CYB5D2: variants seen among roughly 807,000 people sequenced by gnomAD.
CYB5D2 encodes the protein cytochrome b5 domain containing 2.
CYB5D2 carries 23 observed loss-of-function variants against 22.8 expected under a neutral mutation model. The ratio of observed to expected loss-of-function variants is 1.01; its 90% CI spans 0.73 to 1.43. The LOEUF is 1.43. CYB5D2 is among the 40% of genes most tolerant of loss of function. CYB5D2 has a pLI of 0.00. For synonymous variants in CYB5D2, 170 were observed against 152.2 expected, an observed-to-expected ratio of 1.12 and a Z score of -0.86; for missense variants, 373 against 357.2, an observed-to-expected ratio of 1.04 and a Z score of -0.36.
chr17:4,144,103 C>CAA (rs2058944640), intron 1 of CYB5D2, 98 bp downstream of exon 1: 2 of 1,435,930 alleles, frequency 1.4e-6, no homozygotes, highest in Non-Finnish European at 1.9e-6. Flanking sequence ...TTTCCCCCCC[C>CAA]ATCCCCACCC....
In CYB5D2 at chr17:4,157,264, G is replaced by A. The variant is rs1308759358; in HGVS notation, c.*182G>A. On this transcript the variant is annotated 3_prime_UTR_variant, in exon 4 of 4. Transcript: ENST00000301391. The surrounding 1 kb of genome is among the most constrained non-coding windows in gnomAD (Gnocchi z 4.4). ...GTGGCTCGGCGTTGTGGTGCCTGAG[G>A]GACAGCCGGCCACCTGCCCAGTACT... 1.6e-5 allele frequency: 11 copies of A among 692,676 alleles called. No homozygotes were observed. The highest frequency in any genetic ancestry group is 2.7e-5 in the Admixed American group (1 of 36,646). The allele number at this position is 692,676 out of a possible 1,614,324, so 42.9% of individuals were successfully genotyped here. A position where few individuals can be genotyped will look rare whatever the true frequency, so the allele number is the denominator to read the frequency against.
chr17:4,144,395 C>T (rs1424821485), intron 1 of CYB5D2, among the ~76,000 whole-genome samples: 1 of 152,082 alleles, frequency 6.6e-6, no homozygotes, highest in African/African-American at 2.4e-5. Context: ...TTCCAACCAT[C>T]TCTTCATTAT....
Position 4,157,320 on chromosome 17 carries a change from C to T in CYB5D2, c.*238C>T, listed in dbSNP as rs994729580. ...GCTTTTCAACACTATTCCCTTTGAC[C>T]TACTGGCCATCTTCCTCACAGCCCT... On this transcript the variant is annotated 3_prime_UTR_variant, in exon 4 of 4. Coordinates refer to ENST00000301391, the MANE Select transcript of CYB5D2 (RefSeq NM_144611.4). The surrounding 1 kb of genome is among the most constrained non-coding windows in gnomAD (Gnocchi z 4.4). 6 of 568,642 alleles carry T rather than the reference C, an allele frequency of 1.1e-5. No individual in the cohort carries two copies. The highest frequency in any genetic ancestry group is 1.9e-5 in the Non-Finnish European group (6 of 317,692). The allele number at this position is 568,642 out of a possible 1,614,324, so 35.2% of individuals were successfully genotyped here.
chr17:4,150,672 G>A (rs757923724), intron 2 of CYB5D2, among the ~76,000 whole-genome samples: 1 of 152,120 alleles, frequency 6.6e-6, no homozygotes, highest in Non-Finnish European at 1.5e-5. Context: ...ATCACTTGAG[G>A]TCAGGAGTTC....
At position 4,154,695 on chromosome 17, in the gene CYB5D2, A is replaced by G. The variant is rs545829963; in HGVS notation, c.413A>G (p.Tyr138Cys). Residue 138 changes from tyrosine to cysteine, a missense_variant, in exon 3 of 4, where the codon TAC (tyrosine) becomes TGC (cysteine). Transcript: ENST00000301391. ...ACAGGGAGGGTGACAGGACGGTTCT[A>G]CGGAGAGGATGGGCTGCCCACCCCG... ...VCVGRVTGRF[Y>C]GEDGLPTPAL... 2 of 1,614,022 alleles carry G rather than the reference A, an allele frequency of 1.2e-6. No individual in the cohort carries two copies. Among genetic ancestry groups the G allele is most frequent in the Admixed American group, 1.7e-5 (1 of 60,002 alleles).
chr17:4,143,562 C>T lies in CYB5D2; in HGVS notation c.-194C>T. On this transcript the variant is annotated 5_prime_UTR_variant, in exon 1 of 4. Transcript: ENST00000301391. The stretch of plus-strand genomic sequence containing the variant: ...AAAAAAAAGTACCTGGAAAAAGTCG[C>T]AGACAGCGAGCTTTTCGCCAGTGCC... 1 of 685,244 alleles carries T rather than the reference C, an allele frequency of 1.5e-6. No individual in the cohort carries two copies. 42.4% of individuals were successfully genotyped at this position (685,244 alleles called of 1,614,324 possible). A position where few individuals can be genotyped will look rare whatever the true frequency, so the allele number is the denominator to read the frequency against.
At position 4,143,793 on chromosome 17, in the gene CYB5D2, T is replaced by G. The variant is rs2058930982; in HGVS notation, c.38T>G (p.Leu13Arg). The change falls in exon 1 of 4, where the codon CTG becomes CGG. Residue 13 changes from leucine (L) to arginine (R), a missense_variant. Coordinates refer to ENST00000301391, the MANE Select transcript of CYB5D2 (RefSeq NM_144611.4). ...GGAGGCCGTGGGCTTTTGTTGGGCC[T>G]GGCTGTAGCCGCAGCAGCGGTAATG... ...RCGGRGLLLG[L>R]AVAAAAVMAA... 7 of 1,614,060 alleles carry G rather than the reference T, an allele frequency of 4.3e-6. No individual in the cohort carries two copies. The highest frequency in any genetic ancestry group is 5.9e-6 in the Non-Finnish European group (7 of 1,179,978).
At chr17:4,151,618 C>T (rs991669440) in intron 2 of CYB5D2, among the ~76,000 whole-genome samples, 9 of 151,652 alleles carry the variant, frequency 5.9e-5, no homozygotes, top group Admixed American at 1.3e-4. Context: ...ACCTGGAAGA[C>T]GGAGGTTGCA....
intron 2 of CYB5D2, among the ~76,000 whole-genome samples, chr17:4,154,170 A>G (rs549689520): frequency 2.6e-5 from 4 of 152,318 alleles, no homozygotes; most frequent in Non-Finnish European, 5.9e-5. Context: ...AAAGCCGGGC[A>G]CAGTGTGACT....
intron 2 of CYB5D2, among the ~76,000 whole-genome samples, chr17:4,152,504 G>A (rs925052172): frequency 6.6e-6 from 1 of 152,222 alleles, no homozygotes; most frequent in African/African-American, 2.4e-5. Context: ...GATTGGCTTG[G>A]AGATGCAGCC....
rs1408517890 is a variant in CYB5D2 at position 4,143,687 on chromosome 17, C to T, written c.-69C>T. 3 of 1,524,494 alleles carry T rather than the reference C, an allele frequency of 2.0e-6. No homozygotes were observed. Among genetic ancestry groups the T allele is most frequent in the East Asian group, 2.3e-5 (1 of 43,366 alleles). The allele number at this position is 1,524,494 out of a possible 1,614,324, so 94.4% of individuals were successfully genotyped here. On this transcript the variant is annotated 5_prime_UTR_variant, in exon 1 of 4. Coordinates refer to ENST00000301391, the MANE Select transcript of CYB5D2 (RefSeq NM_144611.4). Reference sequence around the variant, plus strand: ...CGCGCGCCGATGACGTCACGCTCGGCGTCTCGGCCATCTTAGCTGTAGATA... The same window carrying T: ...CGCGCGCCGATGACGTCACGCTCGGTGTCTCGGCCATCTTAGCTGTAGATA...
At chr17:4,154,537 G>T in intron 2 of CYB5D2, 137 bp from the exon 3 acceptor site, 1 of 946,552 alleles carries the variant, frequency 1.1e-6, no homozygotes, top group Non-Finnish European at 1.6e-6. Flanking sequence ...GGCACCAGGA[G>T]TGCCTGCAGT....
chr17:4,156,462 C>T (rs2059113446), intron 3 of CYB5D2, among the ~76,000 whole-genome samples: 1 of 152,270 alleles, frequency 6.6e-6, no homozygotes, highest in African/African-American at 2.4e-5. Flanking sequence ...CCCTGACCTG[C>T]GCTGGGTTGT....
At chr17:4,148,516 C>CAA (rs34632039) in intron 1 of CYB5D2, among the ~76,000 whole-genome samples, 24 of 102,650 alleles carry the variant, frequency 2.3e-4, no homozygotes, top group African/African-American at 7.8e-4. Flanking sequence ...GACTCAGTCT[C>CAA]AAAAAAAAAA....
At position 4,151,771 on chromosome 17, in the gene CYB5D2, G is replaced by A. The variant is rs577096832; in HGVS notation, c.391+1740G>A. Among the ~76,000 whole-genome samples, 12 of 152,218 alleles carry A rather than the reference G, an allele frequency of 7.9e-5. No homozygotes were observed. In the South Asian group the frequency reaches 1.9e-3, roughly 24 times the overall value. ...TGTAATCCCAGCACTTTGGGAGGCT[G>A]AGGTGGTCGGATCAGTTGAGGTCAG... On this transcript the variant is annotated intron_variant, in intron 2 of 3. Coordinates refer to ENST00000301391, the MANE Select transcript of CYB5D2 (RefSeq NM_144611.4).
intron 2 of CYB5D2, chr17:4,150,865 GA>G (rs1314201065): frequency 6.6e-6 from 1 of 152,260 alleles, no homozygotes; most frequent in African/African-American, 2.4e-5. Flanking sequence ...CAGCCTCAAC[GA>G]AAGACACTAA....
At chr17:4,144,675 CAAATT>C (rs2058962188) in intron 1 of CYB5D2, among the ~76,000 whole-genome samples, 4 of 152,130 alleles carry the variant, frequency 2.6e-5, no homozygotes, top group Admixed American at 1.3e-4. Flanking sequence ...AAACATTTGT[CAAATT>C]AAGTTTATGC....
Position 4,143,825 on chromosome 17 carries a change from C to G in CYB5D2, c.70C>G (p.Arg24Gly), listed in dbSNP as rs755905459. The change falls in exon 1 of 4, where the codon CGG becomes GGG. Residue 24 changes from arginine to glycine, a missense_variant. Coordinates refer to ENST00000301391, the MANE Select transcript of CYB5D2 (RefSeq NM_144611.4). ...AGCCGCAGCAGCGGTAATGGCAGCA[C>G]GGCTTATGGGCTGGTGGGGTCCCCG... ...AVAAAAVMAA[R>G]LMGWWGPRAG... 1 of 1,614,140 alleles carries G rather than the reference C, an allele frequency of 6.2e-7. No individual in the cohort carries two copies. Among genetic ancestry groups the G allele is most frequent in the Non-Finnish European group, 8.5e-7 (1 of 1,180,004 alleles).
At chr17:4,152,476 G>T (rs2059068870) in intron 2 of CYB5D2, among the ~76,000 whole-genome samples, 1 of 152,240 alleles carries the variant, frequency 6.6e-6, no homozygotes, top group African/African-American at 2.4e-5. Flanking sequence ...GATGGCCTTG[G>T]TTATGCTGTG....
Sources: allele counts gnomAD v4.1 joint callset (sites outside exome capture counted in the v4.1 genomes callset), GRCh38; gene constraint gnomAD v4.1.1; non-coding constraint Gnocchi (gnomAD v3.1); transcripts MANE v1.5; gene names NCBI Gene and HGNC (gene_info 2026-07-23, HGNC 2026-07-21).